Variants in TSPYL1 observed in about 807,000 individuals in gnomAD.
TSPYL1 encodes the protein TSPY like 1.
In TSPYL1, 16 loss-of-function variants were observed where a neutral mutation model predicts 20.1. That is an observed-to-expected ratio of 0.80 (90% CI 0.54 to 1.21). The LOEUF is 1.21. TSPYL1 is among the 50% of genes most tolerant of loss of function. TSPYL1 has a pLI of 0.00. For synonymous variants in TSPYL1, 259 were observed against 227.1 expected (o/e 1.14, Z -1.26); for missense variants, 560 against 569.3 (o/e 0.98, Z 0.17).
In TSPYL1 at chr6:116,275,058, T is replaced by C. The variant is rs374414316; in HGVS notation, c.*3459A>G. On this transcript the variant is annotated 3_prime_UTR_variant, in exon 1 of 1. Coordinates refer to ENST00000368608, the MANE Select transcript of TSPYL1 (RefSeq NM_003309.4). ...CAACATGCAATCAATATGAAAAAAA[T>C]TGAGATATTTTAACATTTTTCTTTC... Among the ~76,000 whole-genome samples, 244 of 152,254 alleles carry C rather than the reference T, an allele frequency of 1.6e-3. 1 individual carries two copies. The highest frequency in any genetic ancestry group is 5.5e-3 in the African/African-American group (227 of 41,536).
At position 116,279,457 on chromosome 6, in the gene TSPYL1, A is replaced by C; in HGVS notation, c.374T>G (p.Val125Gly). The C allele has an allele frequency of 6.2e-7, 1 of 1,613,100 alleles. No homozygotes were observed. Among genetic ancestry groups the C allele is most frequent in the Non-Finnish European group, 8.5e-7 (1 of 1,179,998 alleles). ...MAADRSLKKG[V>G]QGGEKALEIC... ...TTCTAGGGCCTTCTCTCCACCCTGA[A>C]CGCCCTTTTTCAGGCTGCGGTCGGC... is the stretch of plus-strand genomic sequence containing the variant. The change falls in exon 1 of 1, where the codon GTT becomes GGT. Residue 125 changes from valine (V) to glycine (G), a missense_variant. By Grantham distance (109) the Val-to-Gly change is moderately radical (BLOSUM62 -3). Transcript: ENST00000368608.
chr6:116,278,344 C>A lies in TSPYL1; in HGVS notation c.*173G>T. On this transcript the variant is annotated 3_prime_UTR_variant, in exon 1 of 1. Transcript: ENST00000368608. ...TCATATGGAAGTGGAGAAGCATACCCACCACCGTCTCAATCTTGAGGTTGA... is the reference window on the plus strand; with the variant it reads ...TCATATGGAAGTGGAGAAGCATACCAACCACCGTCTCAATCTTGAGGTTGA... 1 of 756,726 alleles carries A rather than the reference C, an allele frequency of 1.3e-6. No individual in the cohort carries two copies. The highest frequency in any genetic ancestry group is 2.5e-5 in the Admixed American group (1 of 39,974). 46.9% of individuals were successfully genotyped at this position (756,726 alleles called of 1,614,324 possible).
rs1773100464 is a variant in TSPYL1, at chr6:116,275,635, C to G, written c.*2882G>C. Among the ~76,000 whole-genome samples, 3 of 152,076 alleles carry G rather than the reference C, an allele frequency of 2.0e-5. No homozygotes were observed. The highest frequency in any genetic ancestry group is 2.9e-5 in the Non-Finnish European group (2 of 68,008). On this transcript the variant is annotated 3_prime_UTR_variant, in exon 1 of 1. Coordinates refer to ENST00000368608, the MANE Select transcript of TSPYL1 (RefSeq NM_003309.4). ...CTAACATGGTGAAACCCCATCTCTA[C>G]TAAAAATACAAAAAATTAGCCGGGC...
rs764860145 is a variant in TSPYL1 at position 116,279,193 on chromosome 6, T to G, written c.638A>C (p.Glu213Ala). The change falls in exon 1 of 1, where the codon GAG (glutamate) becomes GCG (alanine). Residue 213 changes from glutamate (E) to alanine (A), a missense_variant. Transcript: ENST00000368608. ...CCAGGGCCCTTCTTCCTCCCTCGCC[T>G]CCTCCTCCAATCTATCCTCCTCCGC... The part of the protein sequence containing the change: ...EVAEEDRLEE[E>A]AREEEGPWPL... 7 of 1,611,138 alleles carry G rather than the reference T, an allele frequency of 4.3e-6. No individual in the cohort carries two copies. Among genetic ancestry groups the G allele is most frequent in the East Asian group, 2.2e-5 (1 of 44,818 alleles).
chr6:116,279,358 C>T lies in TSPYL1; in HGVS notation c.473G>A (p.Gly158Glu). Residue 158 changes from glycine to glutamate, a missense_variant, in exon 1 of 1, where the codon GGA becomes GAA. Physicochemically the swap from Gly to Glu is moderately conservative, Grantham distance 98. Transcript: ENST00000368608. ...GGCTGCTGAGACGGTGGCGCACTTT[C>T]CTGTCTTCACCTCCTCCGCCTCAGC... ...AEAEAEEVKT[G>E]KCATVSAAVA... 6.2e-7 allele frequency: 1 copy of T among 1,611,902 alleles called. No homozygotes were observed. The highest frequency in any genetic ancestry group is 8.5e-7 in the Non-Finnish European group (1 of 1,180,022).
Position 116,279,071 on chromosome 6 carries a change from C to A in TSPYL1, c.760G>T (p.Glu254Ter). ...CGACGCATCCGCCCAAACTTGTGCT[C>A]CAGCTGTTGGAAGGCCCTGTCGGCC... ...AQADRAFQQLEHKFGRMRRHY... is the reference protein window; with the variant it reads ...AQADRAFQQL Residue 254 changes from glutamate (E) to a stop codon, truncating the protein, a stop_gained, in exon 1 of 1, where the codon GAG becomes TAG. Transcript: ENST00000368608. LOFTEE classifies it high-confidence loss of function. 6.2e-7 allele frequency: 1 copy of A among 1,613,358 alleles called. No homozygotes were observed. The highest frequency in any genetic ancestry group is 8.5e-7 in the Non-Finnish European group (1 of 1,179,416).
rs545739121 is a variant in TSPYL1, at chr6:116,274,940, G to A, written c.*3577C>T. On this transcript the variant is annotated 3_prime_UTR_variant, in exon 1 of 1. Transcript: ENST00000368608. ...AGGAAGTCGAGACATGCTGTCCTATGTAATTTTAGATTTACTAGTAGCCAC... is the reference window on the plus strand; with the variant it reads ...AGGAAGTCGAGACATGCTGTCCTATATAATTTTAGATTTACTAGTAGCCAC... 1.3e-5 allele frequency among the ~76,000 whole-genome samples: 2 copies of A among 152,166 alleles called. No homozygotes were observed. The highest frequency in any genetic ancestry group is 2.4e-5 in the African/African-American group (1 of 41,418).
rs1423679820 is a variant in TSPYL1, at chr6:116,279,807, C to T, written c.24G>A (p.Lys8=). The stretch of plus-strand genomic sequence containing the variant: ...TGTGGGTTTGGAGGGGAGTGGTCCT[C>T]TTGACCCCATCCAGGCCGCTCATGT... MSGLDGV[K]RTTPLQTHSI... Residue 8 remains lysine, a synonymous_variant, in exon 1 of 1, where the codon AAG becomes AAA. Transcript: ENST00000368608. 1.2e-6 allele frequency: 2 copies of T among 1,612,916 alleles called. No individual in the cohort carries two copies. The highest frequency in any genetic ancestry group is 1.7e-6 in the Non-Finnish European group (2 of 1,180,040).
At position 116,279,666 on chromosome 6, in the gene TSPYL1, C is replaced by G; in HGVS notation, c.165G>C (p.Glu55Asp). 6.2e-7 allele frequency: 1 copy of G among 1,607,700 alleles called. No homozygotes were observed. The highest frequency in any genetic ancestry group is 8.5e-7 in the Non-Finnish European group (1 of 1,179,938). The change falls in exon 1 of 1, where the codon GAG (glutamate) becomes GAC (aspartate). Residue 55 changes from glutamate to aspartate, a missense_variant. Transcript: ENST00000368608. ...GCGGTGGAGGCGGGAGCGCGACGGT[C>G]TCCGAGCCTCCCTCACCCGGCTCCG... Reference protein sequence around the residue: ...VMAEPGEGGSETVALPPPPPS... With the variant: ...VMAEPGEGGSDTVALPPPPPS...
In TSPYL1 at chr6:116,278,430, G is replaced by A; in HGVS notation, c.*87C>T. The stretch of plus-strand genomic sequence containing the variant: ...AAGTCAGCAAAAACAAAGCACAATA[G>A]AAGGCATACTCATTGCTGATGCCCA... On this transcript the variant is annotated 3_prime_UTR_variant, in exon 1 of 1. Transcript: ENST00000368608. 6.4e-7 allele frequency: 1 copy of A among 1,568,570 alleles called. No individual in the cohort carries two copies.
Position 116,279,420 on chromosome 6 carries a change from G to T in TSPYL1, c.411C>A (p.Ala137=). 1 of 1,613,340 alleles carries T rather than the reference G, an allele frequency of 6.2e-7. No homozygotes were observed. The highest frequency in any genetic ancestry group is 8.5e-7 in the Non-Finnish European group (1 of 1,180,014). Reference sequence around the variant, plus strand: ...CCGTCAGCTCAGACGCGGATCTCTGGGCGCCACAGATTTCTAGGGCCTTCT... The same window carrying T: ...CCGTCAGCTCAGACGCGGATCTCTGTGCGCCACAGATTTCTAGGGCCTTCT... ...GGEKALEICG[A]QRSASELTAG... is the part of the protein sequence containing the mutation. The change falls in exon 1 of 1, where the codon GCC becomes GCA. Residue 137 remains alanine, a synonymous_variant. Transcript: ENST00000368608.
At position 116,278,855 on chromosome 6, in the gene TSPYL1, T is replaced by C; in HGVS notation, c.976A>G (p.Arg326Gly). The change falls in exon 1 of 1, where the codon AGA becomes GGA. Residue 326 changes from arginine (R) to glycine (G), a missense_variant. By Grantham distance (125) the Arg-to-Gly change is moderately radical. Transcript: ENST00000368608. ...TTGTTTCTGAAGTAGGGGTTTCTTC[T>C]AAAGAAGAACTTGAACTTGCAACCG... Reference protein sequence around the residue: ...RTGCKFKFFFRRNPYFRNKLI... With the variant: ...RTGCKFKFFFGRNPYFRNKLI... The C allele has an allele frequency of 6.2e-7, 1 of 1,614,188 alleles. No homozygotes were observed. The highest frequency in any genetic ancestry group is 8.5e-7 in the Non-Finnish European group (1 of 1,180,042).
Position 116,279,359 on chromosome 6 carries a change from C to G in TSPYL1, c.472G>C (p.Gly158Arg). 1 of 1,612,022 alleles carries G rather than the reference C, an allele frequency of 6.2e-7. No homozygotes were observed. The highest frequency in any genetic ancestry group is 8.5e-7 in the Non-Finnish European group (1 of 1,180,026). The change falls in exon 1 of 1, where the codon GGA (glycine) becomes CGA (arginine). Residue 158 changes from glycine to arginine, a missense_variant. Physicochemically the swap from Gly to Arg is moderately radical, Grantham distance 125. Transcript: ENST00000368608. The part of the protein sequence containing the change: ...AEAEAEEVKT[G>R]KCATVSAAVA... ...GCTGCTGAGACGGTGGCGCACTTTC[C>G]TGTCTTCACCTCCTCCGCCTCAGCC...
chr6:116,278,927 T>G lies in TSPYL1; in HGVS notation c.904A>C (p.Arg302=), dbSNP rs749240592. 2 of 1,614,166 alleles carry G rather than the reference T, an allele frequency of 1.2e-6. No individual in the cohort carries two copies. The highest frequency in any genetic ancestry group is 3.3e-5 in the Admixed American group (2 of 60,032). Residue 302 remains arginine (R), a synonymous_variant, in exon 1 of 1, where the codon AGG becomes CGG. Coordinates refer to ENST00000368608, the MANE Select transcript of TSPYL1 (RefSeq NM_003309.4). ...TTCACCTCTAAATTGGTTATGTACC[T>G]TAACATCTCTGCATCTTGGCCCCTA... The part of the protein sequence containing the change: ...MIRGQDAEML[R]YITNLEVKEL...
In TSPYL1 at chr6:116,278,703, G is replaced by A; in HGVS notation, c.1128C>T (p.Ser376=). The A allele has an allele frequency of 6.2e-7, 1 of 1,614,200 alleles. No homozygotes were observed. Among genetic ancestry groups the A allele is most frequent in the Non-Finnish European group, 8.5e-7 (1 of 1,180,024 alleles). ...FIRRNQDLIC[S]FFTWFSDHSL... ...TGTGGTCTGAAAACCAAGTGAAGAA[G>A]CTGCAGATGAGGTCTTGGTTTCTGC... is the stretch of plus-strand genomic sequence containing the variant. Residue 376 remains serine (S), a synonymous_variant, in exon 1 of 1, where the codon AGC becomes AGT. Coordinates refer to ENST00000368608, the MANE Select transcript of TSPYL1 (RefSeq NM_003309.4).
Position 116,278,659 on chromosome 6 carries a change from T to C in TSPYL1, c.1172A>G (p.Lys391Arg), listed in dbSNP as rs771898385. ...ATCCTCTTTAATAATCTCAGCAATTTTGTCGGACTCTGGAAGGCTGTGGTC... is the reference window on the plus strand; with the variant it reads ...ATCCTCTTTAATAATCTCAGCAATTCTGTCGGACTCTGGAAGGCTGTGGTC... ...FSDHSLPESD[K>R]IAEIIKEDLW... The change falls in exon 1 of 1, where the codon AAA becomes AGA. Residue 391 changes from lysine to arginine, a missense_variant. Coordinates refer to ENST00000368608, the MANE Select transcript of TSPYL1 (RefSeq NM_003309.4). The C allele has an allele frequency of 3.7e-6, 6 of 1,614,026 alleles. No individual in the cohort carries two copies. Among genetic ancestry groups the C allele is most frequent in the East Asian group, 4.5e-5 (2 of 44,886 alleles).
chr6:116,276,251 T>C lies in TSPYL1; in HGVS notation c.*2266A>G, dbSNP rs1182034853. Among the ~76,000 whole-genome samples, 1 of 152,122 alleles carries C rather than the reference T, an allele frequency of 6.6e-6. No individual in the cohort carries two copies. The highest frequency in any genetic ancestry group is 1.5e-5 in the Non-Finnish European group (1 of 68,012). Reference sequence around the variant, plus strand: ...GGAAGTTTTTACAGATGAGAAAGTATGAAAATAGAGGAGTACATCACATAT... The same window carrying C: ...GGAAGTTTTTACAGATGAGAAAGTACGAAAATAGAGGAGTACATCACATAT... On this transcript the variant is annotated 3_prime_UTR_variant, in exon 1 of 1. Transcript: ENST00000368608.
Position 116,279,369 on chromosome 6 carries a change from CTCCTCCGCCTCA to C in TSPYL1, c.450_461del (p.Glu151_Glu154del), listed in dbSNP as rs2114635104. The C allele has an allele frequency of 6.2e-7, 1 of 1,612,316 alleles. No individual in the cohort carries two copies. The highest frequency in any genetic ancestry group is 2.2e-5 in the East Asian group (1 of 44,886). ...CGGTGGCGCACTTTCCTGTCTTCAC[CTCCTCCGCCTCA>C]GCCTCCGCCCCCGCCGTCAGCTCAG... On this transcript the variant is annotated inframe_deletion, in exon 1 of 1. Transcript: ENST00000368608.
Position 116,279,472 on chromosome 6 carries a change from C to A in TSPYL1, c.359G>T (p.Ser120Ile). 6.2e-7 allele frequency: 1 copy of A among 1,612,536 alleles called. No homozygotes were observed. Among genetic ancestry groups the A allele is most frequent in the Non-Finnish European group, 8.5e-7 (1 of 1,180,022 alleles). The change falls in exon 1 of 1, where the codon AGC becomes ATC. Residue 120 changes from serine (S) to isoleucine (I), a missense_variant. By Grantham distance (142) the Ser-to-Ile change is moderately radical (BLOSUM62 -2). Transcript: ENST00000368608. ...TCCACCCTGAACGCCCTTTTTCAGG[C>A]TGCGGTCGGCTGCCATCACCACAGA... ...AASVVMAADR[S>I]LKKGVQGGEK... is the part of the protein sequence containing the mutation.
Sources: gnomAD v4.1 joint callset for allele counts (sites outside exome capture counted in the v4.1 genomes callset) on GRCh38, gnomAD v4.1.1 for gene constraint, MANE v1.5 for transcripts, NCBI Gene and HGNC (gene_info 2026-07-23, HGNC 2026-07-21) for gene names.